The following GDPD5 variants were observed in gnomAD, a reference collection of about 807,000 sequenced individuals.
GDPD5 encodes glycerophosphodiester phosphodiesterase 2.
Under a neutral mutation model 75.1 loss-of-function variants are expected in GDPD5, and 48 were observed. The observed-to-expected ratio is 0.64, with a 90% CI of 0.51 to 0.81. The LOEUF is 0.81. Among genes scored for constraint, GDPD5 ranks in the 40% least tolerant of loss-of-function variants. GDPD5 has a pLI of 0.00. For synonymous variants in GDPD5, 336 were observed against 339.0 expected, an observed-to-expected ratio of 0.99 and a Z score of 0.10; for missense variants, 706 against 822.6, an observed-to-expected ratio of 0.86 and a Z score of 1.73.
intron 1 of GDPD5, among the ~76,000 whole-genome samples, chr11:75,505,225 G>A (rs73499047): frequency 6.6e-6 from 1 of 152,128 alleles, no homozygotes; most frequent in African/African-American, 2.4e-5. Context: ...CAGAAGAGGG[G>A]GCATTTGAGC....
chr11:75,507,234 T>C (rs1287506971), intron 1 of GDPD5: 3 of 152,260 alleles, frequency 2.0e-5, no homozygotes, highest in Non-Finnish European at 2.9e-5. Context: ...CAGGCGGACA[T>C]GGGGAGGCTG....
At chr11:75,507,689 C>T (rs1274515695) in intron 1 of GDPD5, among the ~76,000 whole-genome samples, 1 of 152,220 alleles carries the variant, frequency 6.6e-6, no homozygotes, top group Non-Finnish European at 1.5e-5. Context: ...TGCTTCACAC[C>T]CAAGGCTGGC....
chr11:75,521,812 G>A (rs1231048132), intron 1 of GDPD5, among the ~76,000 whole-genome samples: 2 of 150,136 alleles, frequency 1.3e-5, no homozygotes, highest in Non-Finnish European at 3.0e-5. Context: ...ACAAACAAAG[G>A]GGCTGTGATG....
chr11:75,438,466 A>G (rs1165938646), intron 15 of GDPD5: 9 of 152,272 alleles, frequency 5.9e-5, no homozygotes, highest in Admixed American at 5.2e-4. Context: ...CTGGGGCTCC[A>G]TGTGAGAAGG....
intron 13 of GDPD5, 47 bp downstream of exon 13, chr11:75,441,599 G>A (rs999090529): frequency 6.7e-7 from 1 of 1,494,652 alleles, no homozygotes. Context: ...GACTGGGAGA[G>A]ACTCAGTCCC....
rs144375073 is a variant in GDPD5, at chr11:75,461,218, G to A, written c.221+1568C>T. ...CTTCTAGGCAGCAGACTCCAGTTCC[G>A]AGGAACTGTCTGGGTCTGCAGTTGA... On this transcript the variant is annotated intron_variant, in intron 4 of 16. Coordinates refer to ENST00000336898, the MANE Select transcript of GDPD5 (RefSeq NM_030792.8). 2.6e-5 allele frequency among the ~76,000 whole-genome samples: 4 copies of A among 152,236 alleles called. No homozygotes were observed. The East Asian group carries it at 5.8e-4, about 22-fold the overall frequency.
chr11:75,508,237 T>C (rs984189300), intron 1 of GDPD5: 2 of 152,268 alleles, frequency 1.3e-5, no homozygotes, highest in Non-Finnish European at 2.9e-5. Context: ...ACTGATCATT[T>C]TGAGGAAGTT....
intron 2 of GDPD5, among the ~76,000 whole-genome samples, chr11:75,486,154 C>T (rs1250896599): frequency 6.6e-6 from 1 of 152,194 alleles, no homozygotes; most frequent in African/African-American, 2.4e-5. Flanking sequence ...CCTTTAGCTA[C>T]CCGCTCTCTC....
intron 1 of GDPD5, among the ~76,000 whole-genome samples, chr11:75,514,604 T>G (rs1950599243): frequency 6.6e-6 from 1 of 152,212 alleles, no homozygotes; most frequent in Non-Finnish European, 1.5e-5. Flanking sequence ...CATTGACAGT[T>G]GAACCCCCAA....
intron 3 of GDPD5, among the ~76,000 whole-genome samples, chr11:75,468,323 G>C (rs1057390597): frequency 2.6e-5 from 4 of 152,278 alleles, no homozygotes; most frequent in African/African-American, 9.6e-5. Flanking sequence ...GGCAGCGAGC[G>C]TGTCTGCAGC....
intron 1 of GDPD5, among the ~76,000 whole-genome samples, chr11:75,511,379 T>C (rs1565221968): frequency 6.6e-6 from 1 of 151,980 alleles, no homozygotes; most frequent in Non-Finnish European, 1.5e-5. Context: ...GACCAAGGAG[T>C]TGCATGTTCA....
intron 3 of GDPD5, among the ~76,000 whole-genome samples, chr11:75,476,813 G>A (rs1054103967): frequency 2.0e-5 from 3 of 152,092 alleles, no homozygotes; most frequent in Admixed American, 6.5e-5. Context: ...AAGCTTCCCC[G>A]ACCTCCCCAG....
At chr11:75,512,953 T>C (rs1398121044) in intron 1 of GDPD5, among the ~76,000 whole-genome samples, 1 of 152,114 alleles carries the variant, frequency 6.6e-6, no homozygotes, top group African/African-American at 2.4e-5. Context: ...TCTGGAAAAA[T>C]GTTTCTTACA....
rs531971956 is a variant in GDPD5 at position 75,477,652 on chromosome 11, C to T, written c.84G>A (p.Lys28=). The part of the protein sequence containing the change: ...CLTGIYGCRW[K]RYQRSHDDTT... Reference sequence around the variant, plus strand: ...TATCATCATGGGAGCGCTGGTAGCGCTTCCAACGGCAGCCGTAGATGCCCG... The same window carrying T: ...TATCATCATGGGAGCGCTGGTAGCGTTTCCAACGGCAGCCGTAGATGCCCG... The change falls in exon 3 of 17, where the codon AAG becomes AAA. Residue 28 remains lysine, a synonymous_variant. Coordinates refer to ENST00000336898, the MANE Select transcript of GDPD5 (RefSeq NM_030792.8). The T allele has an allele frequency of 1.2e-6, 2 of 1,600,874 alleles. No homozygotes were observed. Among genetic ancestry groups the T allele is most frequent in the South Asian group, 1.1e-5 (1 of 90,006 alleles).
chr11:75,520,399 G>T (rs1478138514), intron 1 of GDPD5, among the ~76,000 whole-genome samples: 3 of 152,232 alleles, frequency 2.0e-5, no homozygotes, highest in East Asian at 1.9e-4. Flanking sequence ...TGAGCAAGTT[G>T]TCCATGGGGC....
chr11:75,442,630 G>T, intron 11 of GDPD5, 49 bp from the exon 12 acceptor site: 4 of 1,576,852 alleles, frequency 2.5e-6, no homozygotes, highest in Non-Finnish European at 3.5e-6. Context: ...GCCCTTTGGG[G>T]GCCCCCACAT....
At chr11:75,489,572 A>C (rs1398561063) in intron 2 of GDPD5, among the ~76,000 whole-genome samples, 2 of 152,206 alleles carry the variant, frequency 1.3e-5, no homozygotes. Flanking sequence ...ATTCCTTTGG[A>C]GGAAGCATCA....
intron 1 of GDPD5, chr11:75,516,008 GC>G (rs1950631058): frequency 6.6e-6 from 1 of 152,276 alleles, no homozygotes. Flanking sequence ...GGACTCCCGG[GC>G]TTTTGATGGA....
chr11:75,506,231 C>T (rs150755173), intron 1 of GDPD5, among the ~76,000 whole-genome samples: 51 of 152,264 alleles, frequency 3.3e-4, no homozygotes, highest in African/African-American at 1.1e-3. Flanking sequence ...CTCTCAGGGA[C>T]GCTTTGTTTG....
Sources: allele counts gnomAD v4.1 joint callset (sites outside exome capture counted in the v4.1 genomes callset), GRCh38; gene constraint gnomAD v4.1.1; transcripts MANE v1.5; gene names NCBI Gene and HGNC (gene_info 2026-07-23, HGNC 2026-07-21).